LIPI: variants seen among roughly 807,000 people sequenced by gnomAD.
The protein encoded by LIPI is lipase I.
Under a neutral mutation model 50.6 loss-of-function variants are expected in LIPI, and 59 were observed. The ratio of observed to expected loss-of-function variants is 1.16; its 90% CI spans 0.94 to 1.45. The LOEUF (loss-of-function observed/expected upper bound fraction) is 1.45, where lower values mean the gene tolerates loss of function less well. Ranked by LOEUF, LIPI falls within the 40% of genes most tolerant of loss-of-function variation. The pLI is 0.00. For synonymous variants in LIPI, 203 were observed against 178.2 expected, an observed-to-expected ratio of 1.14 and a Z score of -1.11; for missense variants, 586 against 536.3, an observed-to-expected ratio of 1.09 and a Z score of -0.92.
At chr21:14,132,731 GATAA>G (rs889556301) in intron 9 of LIPI, among the ~76,000 whole-genome samples, 12 of 151,704 alleles carry the variant, frequency 7.9e-5, no homozygotes, top group African/African-American at 2.9e-4. Flanking sequence ...TCTTCAAAAA[GATAA>G]ATAAAATTGA....
chr21:14,148,202 G>A (rs755179668), intron 8 of LIPI, among the ~76,000 whole-genome samples: 3 of 152,114 alleles, frequency 2.0e-5, no homozygotes, highest in Non-Finnish European at 4.4e-5. Flanking sequence ...GAAGGAGGAA[G>A]GGGAAGAATG....
intron 4 of LIPI, among the ~76,000 whole-genome samples, chr21:14,176,043 T>A (rs1170530637): frequency 6.6e-6 from 1 of 151,502 alleles, no homozygotes; most frequent in Non-Finnish European, 1.5e-5. Flanking sequence ...CCGGGCCTGG[T>A]GGTGGGCGCC....
intron 9 of LIPI, among the ~76,000 whole-genome samples, chr21:14,134,361 C>T (rs751411334): frequency 4.6e-5 from 7 of 151,958 alleles, no homozygotes; most frequent in Non-Finnish European, 1.0e-4. Context: ...TTAAAATGAC[C>T]ATACTGCCCA....
intron 4 of LIPI, among the ~76,000 whole-genome samples, chr21:14,174,497 T>C (rs2019025623): frequency 1.3e-5 from 2 of 151,548 alleles, no homozygotes; most frequent in African/African-American, 4.8e-5. Flanking sequence ...CTCTGTCCCC[T>C]AATCGCTAAC....
At chr21:14,159,403 T>C (rs919644590) in intron 7 of LIPI, among the ~76,000 whole-genome samples, 3 of 151,424 alleles carry the variant, frequency 2.0e-5, no homozygotes, top group Non-Finnish European at 3.0e-5. Context: ...AAAAATTATA[T>C]GATCATATCA....
chr21:14,109,373 T>G (rs948285977), intron 9 of LIPI, among the ~76,000 whole-genome samples: 4 of 152,104 alleles, frequency 2.6e-5, no homozygotes, highest in Non-Finnish European at 5.9e-5. Context: ...ACTGATACAG[T>G]TGAAACTTGA....
intron 8 of LIPI, among the ~76,000 whole-genome samples, chr21:14,148,100 G>A (rs559480681): frequency 2.0e-5 from 3 of 151,958 alleles, no homozygotes; most frequent in Non-Finnish European, 4.4e-5. Flanking sequence ...ATAACATTCA[G>A]TATAAAAATC....
At chr21:14,202,824 C>T (rs143525529) in intron 1 of LIPI, among the ~76,000 whole-genome samples, 84,708 of 151,440 alleles carry the variant, frequency 0.56, 24,121 homozygotes, top group African/African-American at 0.63. Context: ...AAAGCCAAAA[C>T]TGACAAATGG....
At chr21:14,152,974 A>T (rs573377871) in intron 7 of LIPI, among the ~76,000 whole-genome samples, 9 of 152,272 alleles carry the variant, frequency 5.9e-5, no homozygotes, top group Admixed American at 5.9e-4. Context: ...GGCTTGTCTG[A>T]AAAACAAAAA....
chr21:14,120,676 C>G (rs769546823), intron 9 of LIPI, among the ~76,000 whole-genome samples: 39 of 152,186 alleles, frequency 2.6e-4, no homozygotes, highest in Admixed American at 1.8e-3. Context: ...GCAGAGACTC[C>G]TAACTACTCA....
intron 4 of LIPI, among the ~76,000 whole-genome samples, chr21:14,175,904 C>T (rs940229058): frequency 6.6e-6 from 1 of 152,136 alleles, no homozygotes; most frequent in African/African-American, 2.4e-5. Flanking sequence ...GTGGGCCGGG[C>T]GCGGTGGCTC....
At chr21:14,167,094 G>A (rs140518436) in intron 4 of LIPI, among the ~76,000 whole-genome samples, 15 of 152,170 alleles carry the variant, frequency 9.9e-5, no homozygotes, top group Admixed American at 8.5e-4. Flanking sequence ...CTACGCCCAC[G>A]GAGTCTCACT....
intron 8 of LIPI, among the ~76,000 whole-genome samples, chr21:14,146,496 A>C (rs1277246327): frequency 6.6e-6 from 1 of 152,128 alleles, no homozygotes; most frequent in African/African-American, 2.4e-5. Context: ...TTTCAACTAT[A>C]AACCTTCAAA....
intron 1 of LIPI, among the ~76,000 whole-genome samples, chr21:14,197,915 G>C (rs2019917809): frequency 6.6e-6 from 1 of 152,044 alleles, no homozygotes; most frequent in African/African-American, 2.4e-5. Context: ...GACTAACAGA[G>C]CACCTTTCAG....
At chr21:14,141,398 T>G (rs1463379506) in intron 9 of LIPI, among the ~76,000 whole-genome samples, 1 of 133,868 alleles carries the variant, frequency 7.5e-6, no homozygotes, top group Non-Finnish European at 1.6e-5. Flanking sequence ...TTTTTTTTTT[T>G]TAACTCAGCC....
chr21:14,203,397 C>T (rs989893665), intron 1 of LIPI, among the ~76,000 whole-genome samples: 11 of 151,992 alleles, frequency 7.2e-5, no homozygotes, highest in African/African-American at 2.7e-4. Context: ...ACGTTTATTG[C>T]AGCACTATTC....
intron 9 of LIPI, chr21:14,143,664 G>T (rs2017795350): frequency 6.6e-6 from 1 of 152,120 alleles, no homozygotes; most frequent in South Asian, 2.1e-4. Context: ...TAGGCTCTCA[G>T]CTGATGCTTA....
At chr21:14,189,760 T>C (rs1182418074) in intron 1 of LIPI, among the ~76,000 whole-genome samples, 2 of 152,152 alleles carry the variant, frequency 1.3e-5, no homozygotes, top group African/African-American at 2.4e-5. Context: ...TTATAAACTT[T>C]AACAAAAGTT....
chr21:14,161,338 TTATATATAATATATA>T (rs1425832619), intron 7 of LIPI, among the ~76,000 whole-genome samples: 1 of 145,478 alleles, frequency 6.9e-6, no homozygotes, highest in Non-Finnish European at 1.5e-5. Context: ...TAATATATAG[TTATATATAATATATA>T]GTAATATAGG....
Sources: allele counts gnomAD v4.1 joint callset (sites outside exome capture counted in the v4.1 genomes callset), GRCh38; gene constraint gnomAD v4.1.1; transcripts MANE v1.5; gene names NCBI Gene and HGNC (gene_info 2026-07-23, HGNC 2026-07-21).